Variants in AGBL4 observed in about 807,000 individuals in gnomAD.
The protein encoded by AGBL4 is cytosolic carboxypeptidase 6.
A neutral mutation model predicts 66.4 loss-of-function variants in AGBL4; 58 were observed. The ratio of observed to expected loss-of-function variants is 0.87; its 90% confidence interval spans 0.71 to 1.09. AGBL4 has a LOEUF of 1.09. AGBL4 is among the 50% of genes least tolerant of loss of function. The pLI is 0.00. For synonymous variants in AGBL4, 234 were observed against 222.9 expected (o/e 1.05, Z -0.44); for missense variants, 579 against 631.0 (o/e 0.92, Z 0.88).
At chr1:49,490,680 A>C (rs985409821) in intron 3 of AGBL4, among the ~76,000 whole-genome samples, 2 of 151,748 alleles carry the variant, frequency 1.3e-5, no homozygotes, top group African/African-American at 2.4e-5. Flanking sequence ...AAAAATCCCA[A>C]GGAATAATTC....
At chr1:49,461,503 T>G (rs1286441943) in intron 3 of AGBL4, among the ~76,000 whole-genome samples, 1 of 151,404 alleles carries the variant, frequency 6.6e-6, no homozygotes, top group Admixed American at 6.6e-5. Context: ...TTTCTTTTTT[T>G]TTTATTATAC....
At chr1:49,366,066 C>A (rs941510900) in intron 3 of AGBL4, among the ~76,000 whole-genome samples, 7 of 152,140 alleles carry the variant, frequency 4.6e-5, no homozygotes, top group African/African-American at 1.7e-4. Context: ...TCCTACATCC[C>A]TACTTCCTTC....
At chr1:48,842,311 A>G (rs1158794709) in intron 6 of AGBL4, among the ~76,000 whole-genome samples, 1 of 151,884 alleles carries the variant, frequency 6.6e-6, no homozygotes, top group African/African-American at 2.4e-5. Context: ...ACTGAAGATG[A>G]TCTCACCAAG....
chr1:49,664,313 C>A (rs756585829), intron 3 of AGBL4, among the ~76,000 whole-genome samples: 3 of 151,838 alleles, frequency 2.0e-5, no homozygotes, highest in African/African-American at 7.2e-5. Flanking sequence ...CTCAAGAAAC[C>A]ATCCTGTTTT....
At chr1:49,606,405 G>A (rs1244018391) in intron 3 of AGBL4, among the ~76,000 whole-genome samples, 1 of 152,046 alleles carries the variant, frequency 6.6e-6, no homozygotes, top group Admixed American at 6.6e-5. Flanking sequence ...TTTCATCTGG[G>A]TGCCTTAATG....
At chr1:49,134,475 G>GCCCCCCCCCCCCCCCCCCCCCC (rs57286157) in intron 4 of AGBL4, among the ~76,000 whole-genome samples, 1 of 112,702 alleles carries the variant, frequency 8.9e-6, no homozygotes, top group African/African-American at 3.3e-5. Flanking sequence ...ATTTTGGAGG[G>GCCCCCCCCCCCCCCCCCCCCCC]CCCCCCCCCC....
chr1:49,698,043 T>TA (rs936494097), intron 2 of AGBL4, among the ~76,000 whole-genome samples: 12 of 152,168 alleles, frequency 7.9e-5, no homozygotes, highest in Admixed American at 4.6e-4. Flanking sequence ...AACAGTTATA[T>TA]AAAAAATGTG....
At chr1:48,636,384 G>A (rs319987) in intron 8 of AGBL4, among the ~76,000 whole-genome samples, 87,682 of 151,714 alleles carry the variant, frequency 0.58, 25,580 homozygotes, top group Middle Eastern at 0.68. Context: ...ATGAATTATC[G>A]CATTTCATTT....
At chr1:49,922,529 C>T (rs576133718) in intron 1 of AGBL4, among the ~76,000 whole-genome samples, 48 of 152,234 alleles carry the variant, frequency 3.2e-4, no homozygotes, top group Non-Finnish European at 5.3e-4. Context: ...TGCTTGCAGA[C>T]GACATTATCC....
chr1:49,188,277 T>G (rs1557711927), intron 4 of AGBL4, among the ~76,000 whole-genome samples: 2 of 152,078 alleles, frequency 1.3e-5, no homozygotes, highest in Non-Finnish European at 2.9e-5. Flanking sequence ...CTCCTGGGCG[T>G]TCCCATAGCA....
chr1:48,963,982 T>C (rs931349889), intron 5 of AGBL4, among the ~76,000 whole-genome samples: 2 of 152,318 alleles, frequency 1.3e-5, no homozygotes, highest in South Asian at 4.1e-4. Flanking sequence ...ATTTAAATGC[T>C]GAGCATACAG....
chr1:49,808,534 A>G (rs1486607173), intron 2 of AGBL4, among the ~76,000 whole-genome samples: 2 of 152,164 alleles, frequency 1.3e-5, no homozygotes, highest in Non-Finnish European at 2.9e-5. Flanking sequence ...TTACTATTAA[A>G]ATTATAAAAA....
At chr1:48,894,582 A>G (rs1373200408) in intron 5 of AGBL4, among the ~76,000 whole-genome samples, 2 of 152,132 alleles carry the variant, frequency 1.3e-5, no homozygotes, top group African/African-American at 2.4e-5. Context: ...CACTTGTCAC[A>G]TGTCATGTTG....
intron 2 of AGBL4, among the ~76,000 whole-genome samples, chr1:49,760,962 T>C (rs1221312768): frequency 6.6e-6 from 1 of 152,000 alleles, no homozygotes; most frequent in Non-Finnish European, 1.5e-5. Flanking sequence ...TAAGTGGGAC[T>C]TGAACAATGA....
At chr1:49,704,578 T>C (rs1647166210) in intron 2 of AGBL4, among the ~76,000 whole-genome samples, 1 of 152,180 alleles carries the variant, frequency 6.6e-6, no homozygotes, top group Admixed American at 6.6e-5. Flanking sequence ...CCTTTAAATT[T>C]TTAATACATC....
chr1:49,116,274 G>A (rs904097016), intron 4 of AGBL4, among the ~76,000 whole-genome samples: 1 of 152,062 alleles, frequency 6.6e-6, no homozygotes, highest in Non-Finnish European at 1.5e-5. Flanking sequence ...CAACGTGCAG[G>A]TTTGTTACAT....
chr1:48,870,857 G>A (rs1329763674), intron 5 of AGBL4, among the ~76,000 whole-genome samples: 2 of 152,170 alleles, frequency 1.3e-5, no homozygotes, highest in African/African-American at 4.8e-5. Context: ...TCTTAAAACA[G>A]GATTACAAAA....
At chr1:49,367,759 G>A (rs906747747) in intron 3 of AGBL4, among the ~76,000 whole-genome samples, 13 of 152,104 alleles carry the variant, frequency 8.5e-5, no homozygotes, top group African/African-American at 3.1e-4. Context: ...TTTTATTGTG[G>A]TAGAATTCAC....
At chr1:48,881,251 A>G (rs2148842794) in intron 5 of AGBL4, among the ~76,000 whole-genome samples, 1 of 152,344 alleles carries the variant, frequency 6.6e-6, no homozygotes, top group Middle Eastern at 3.4e-3. Flanking sequence ...ATGTGGGATT[A>G]CAACTGAAAT....
Sources: allele counts gnomAD v4.1 joint callset (sites outside exome capture counted in the v4.1 genomes callset), GRCh38; gene constraint gnomAD v4.1.1; transcripts MANE v1.5; gene names NCBI Gene and HGNC (gene_info 2026-07-23, HGNC 2026-07-21).